The following DLG2 variants were observed in gnomAD, a reference collection of about 807,000 sequenced individuals.
DLG2 encodes the protein discs large MAGUK scaffold protein 2.
A neutral mutation model predicts 132.5 loss-of-function variants in DLG2; 45 were observed. The ratio of observed to expected loss-of-function variants is 0.34; its 90% confidence interval spans 0.27 to 0.44. The LOEUF (loss-of-function observed/expected upper bound fraction) is 0.44, where lower values mean the gene tolerates loss of function less well. Ranked by LOEUF, DLG2 falls within the 20% of genes least tolerant of loss-of-function variation. DLG2 has a pLI of 1.00. For missense variants in DLG2, 1,045 were observed against 1,196.9 expected (o/e 0.87, Z 1.87); for synonymous variants, 424 against 419.6 (o/e 1.01, Z -0.13).
chr11:84,973,688 T>C (rs2054440794), intron 6 of DLG2, among the ~76,000 whole-genome samples: 1 of 152,168 alleles, frequency 6.6e-6, no homozygotes. Flanking sequence ...ATCAGAAAAC[T>C]TTTCTAAAAA....
chr11:83,617,671 G>A (rs1167706630), intron 19 of DLG2, among the ~76,000 whole-genome samples: 1 of 152,092 alleles, frequency 6.6e-6, no homozygotes, highest in East Asian at 1.9e-4. Flanking sequence ...GATAGAAGGT[G>A]TCTCATACCT....
intron 6 of DLG2, among the ~76,000 whole-genome samples, chr11:84,995,797 T>G (rs1398275409): frequency 6.6e-6 from 1 of 152,136 alleles, no homozygotes; most frequent in Non-Finnish European, 1.5e-5. Flanking sequence ...CAGGTGGGTC[T>G]CTCAAGGGGC....
intron 9 of DLG2, among the ~76,000 whole-genome samples, chr11:84,132,771 G>C (rs1413886793): frequency 6.6e-6 from 1 of 151,940 alleles, no homozygotes; most frequent in Admixed American, 6.6e-5. Context: ...AATTTGAATT[G>C]GAAGGTCTAA....
chr11:85,238,331 C>A (rs901685009), intron 4 of DLG2, among the ~76,000 whole-genome samples: 6 of 151,336 alleles, frequency 4.0e-5, no homozygotes, highest in African/African-American at 7.3e-5. Context: ...GCAACCTCTC[C>A]CTCCTGGGTT....
chr11:84,907,820 C>A (rs1347793384), intron 6 of DLG2, among the ~76,000 whole-genome samples: 1 of 152,092 alleles, frequency 6.6e-6, no homozygotes, highest in African/African-American at 2.4e-5. Context: ...AGAGGCTGTA[C>A]ATTTTAATGG....
chr11:85,034,298 T>A (rs906137840), intron 6 of DLG2, among the ~76,000 whole-genome samples: 2 of 152,046 alleles, frequency 1.3e-5, no homozygotes, highest in Admixed American at 1.3e-4. Context: ...CGGGATGGTC[T>A]CTCTCCTGAC....
intron 6 of DLG2, among the ~76,000 whole-genome samples, chr11:84,943,286 C>G (rs1243941239): frequency 6.6e-6 from 1 of 151,250 alleles, no homozygotes; most frequent in Non-Finnish European, 1.5e-5. Flanking sequence ...AAGGCTTATT[C>G]CTGTCAATTT....
intron 6 of DLG2, among the ~76,000 whole-genome samples, chr11:85,049,514 G>A (rs961425887): frequency 6.6e-6 from 1 of 151,964 alleles, no homozygotes; most frequent in Admixed American, 6.6e-5. Flanking sequence ...ACTGTAGGAT[G>A]TTTAGCAGAA....
rs562989098 is a variant in DLG2 at position 84,583,770 on chromosome 11, T to G, written c.358-49039A>C. 1.6e-4 allele frequency among the ~76,000 whole-genome samples: 25 copies of G among 152,254 alleles called. No homozygotes were observed. In the South Asian group the frequency reaches 2.7e-3, roughly 16 times the overall value. On this transcript the variant is annotated intron_variant, in intron 6 of 27. Transcript: ENST00000376104. Reference sequence around the variant, plus strand: ...AAATCTACCCCAAAATATTAATATATTGTTTAAATGTGCTTCTTTTTGACC... The same window carrying G: ...AAATCTACCCCAAAATATTAATATAGTGTTTAAATGTGCTTCTTTTTGACC...
At chr11:84,031,528 G>T (rs2095691126) in intron 11 of DLG2, among the ~76,000 whole-genome samples, 1 of 152,136 alleles carries the variant, frequency 6.6e-6, no homozygotes. Flanking sequence ...AGAAAACAAT[G>T]AAGTTGGTTT....
At chr11:85,307,645 A>G (rs1019323790) in intron 3 of DLG2, among the ~76,000 whole-genome samples, 4 of 152,184 alleles carry the variant, frequency 2.6e-5, no homozygotes, top group African/African-American at 9.6e-5. Context: ...CCCAACACCA[A>G]TGGGAAAGAG....
intron 8 of DLG2, among the ~76,000 whole-genome samples, chr11:84,208,523 T>C (rs2096707811): frequency 6.6e-6 from 1 of 152,036 alleles, no homozygotes; most frequent in South Asian, 2.1e-4. Context: ...TTTGTATTTT[T>C]ACTAGAGACA....
chr11:83,941,037 C>T (rs540513729), intron 14 of DLG2, among the ~76,000 whole-genome samples: 44 of 152,312 alleles, frequency 2.9e-4, no homozygotes, highest in Non-Finnish European at 4.9e-4. Flanking sequence ...GAGGACAAAA[C>T]CATGTTTCTG....
chr11:84,647,397 A>G (rs570506029), intron 6 of DLG2, among the ~76,000 whole-genome samples: 4 of 152,328 alleles, frequency 2.6e-5, no homozygotes, highest in South Asian at 2.1e-4. Context: ...AATGTATTCA[A>G]TGAAATATAA....
chr11:84,553,376 T>C (rs990157885), intron 6 of DLG2, among the ~76,000 whole-genome samples: 3 of 152,194 alleles, frequency 2.0e-5, no homozygotes, highest in Non-Finnish European at 4.4e-5. Flanking sequence ...GACTGATAAA[T>C]GTTATCAACC....
intron 8 of DLG2, among the ~76,000 whole-genome samples, chr11:84,229,409 G>A (rs1234952926): frequency 1.3e-5 from 2 of 152,164 alleles, no homozygotes. Context: ...AGAAACAGAG[G>A]TCAACAGGGT....
chr11:83,872,940 T>C (rs1447926572), intron 16 of DLG2, among the ~76,000 whole-genome samples: 1 of 152,210 alleles, frequency 6.6e-6, no homozygotes, highest in East Asian at 1.9e-4. Flanking sequence ...GGACCTCTAG[T>C]ACCATCCCAA....
chr11:85,228,203 A>G (rs750246707), intron 4 of DLG2, among the ~76,000 whole-genome samples: 7 of 152,192 alleles, frequency 4.6e-5, no homozygotes, highest in African/African-American at 1.7e-4. Context: ...TAGAAGCTCA[A>G]TGAAAATTTA....
intron 7 of DLG2, among the ~76,000 whole-genome samples, chr11:84,373,270 C>CAAAAAAACA (rs1567449441): frequency 4.4e-5 from 2 of 45,168 alleles, no homozygotes; most frequent in Admixed American, 2.5e-4. Flanking sequence ...AAAAACAAAA[C>CAAAAAAACA]AAAAAAAAAA....
Sources: allele counts gnomAD v4.1 joint callset (sites outside exome capture counted in the v4.1 genomes callset), GRCh38; gene constraint gnomAD v4.1.1; transcripts MANE v1.5; gene names NCBI Gene and HGNC (gene_info 2026-07-23, HGNC 2026-07-21).